Variants in TRPS1 observed in about 807,000 individuals in gnomAD.
The protein encoded by TRPS1 is zinc finger transcription factor Trps1.
A neutral mutation model predicts 101.2 loss-of-function variants in TRPS1; 6 were observed. The observed-to-expected ratio is 0.06, with a 90% CI of 0.03 to 0.12. The LOEUF (loss-of-function observed/expected upper bound fraction) is 0.12, where lower values mean the gene tolerates loss of function less well. Among genes scored for constraint, TRPS1 ranks in the 10% least tolerant of loss-of-function variants. The pLI, the probability that TRPS1 is intolerant of heterozygous loss-of-function variation, is 1.00. For missense variants in TRPS1, 1,363 were observed against 1,567.0 expected (o/e 0.87, Z 2.20); for synonymous variants, 578 against 589.8 (o/e 0.98, Z 0.29).
chr8:115,458,798 G>T (rs1180648), intron 5 of TRPS1, among the ~76,000 whole-genome samples: 48,474 of 152,014 alleles, frequency 0.32, 9,189 homozygotes, highest in Non-Finnish European at 0.44. Flanking sequence ...TCAGAATTGT[G>T]TTCTTCTGTG....
At chr8:115,531,740 A>T (rs924220557) in intron 5 of TRPS1, among the ~76,000 whole-genome samples, 2 of 152,148 alleles carry the variant, frequency 1.3e-5, no homozygotes, top group African/African-American at 4.8e-5. Context: ...GGGTTAAAAA[A>T]AACAAAGTGA....
chr8:115,647,413 T>G (rs1811437123), intron 1 of TRPS1, among the ~76,000 whole-genome samples: 1 of 152,142 alleles, frequency 6.6e-6, no homozygotes, highest in African/African-American at 2.4e-5. Context: ...TTAAAGTTCA[T>G]AATTTAAGAA....
intron 4 of TRPS1, among the ~76,000 whole-genome samples, chr8:115,590,926 T>G (rs1291169234): frequency 6.6e-6 from 1 of 152,108 alleles, no homozygotes; most frequent in Non-Finnish European, 1.5e-5. Context: ...TTTGGTATCA[T>G]TCATTGCCAT....
chr8:115,654,911 G>A (rs1339219825), intron 1 of TRPS1, among the ~76,000 whole-genome samples: 1 of 152,116 alleles, frequency 6.6e-6, no homozygotes, highest in Non-Finnish European at 1.5e-5. Context: ...CCTAATAAAT[G>A]ACATTTTAAT....
chr8:115,486,276 T>A (rs553621020), intron 5 of TRPS1, among the ~76,000 whole-genome samples: 1 of 152,336 alleles, frequency 6.6e-6, no homozygotes, highest in East Asian at 1.9e-4. Flanking sequence ...TAAGGTAGCG[T>A]ACTTAATAAG....
At chr8:115,550,789 T>A (rs556368344) in intron 5 of TRPS1, among the ~76,000 whole-genome samples, 1 of 152,328 alleles carries the variant, frequency 6.6e-6, no homozygotes, top group African/African-American at 2.4e-5. Context: ...CTATGTTAAG[T>A]TTAACCAACT....
intron 5 of TRPS1, among the ~76,000 whole-genome samples, chr8:115,491,069 T>C (rs558601401): frequency 6.6e-6 from 1 of 152,320 alleles, no homozygotes; most frequent in South Asian, 2.1e-4. Flanking sequence ...ATGGTAACAA[T>C]TCTCTACTCC....
chr8:115,433,381 A>G lies in TRPS1; in HGVS notation c.2701-14929T>C, dbSNP rs80045582. Among the ~76,000 whole-genome samples, 73 of 152,206 alleles carry G rather than the reference A, an allele frequency of 4.8e-4. 1 individual carries two copies. In the East Asian group the frequency reaches 0.014, roughly 28 times the overall value. ...AACTTGCAGGCATATTGGGAATTTT[A>G]ATATATCCTAAAAATATCTTTAGAT... On this transcript the variant is annotated intron_variant, in intron 5 of 6. Transcript: ENST00000395715.
At chr8:115,621,552 T>G (rs1818392691) in intron 2 of TRPS1, among the ~76,000 whole-genome samples, 1 of 152,134 alleles carries the variant, frequency 6.6e-6, no homozygotes, top group Admixed American at 6.5e-5. Flanking sequence ...CACTAGAGTA[T>G]AAGGAATCAT....
chr8:115,596,715 ATATG>A (rs536076520), intron 4 of TRPS1, among the ~76,000 whole-genome samples: 11 of 151,954 alleles, frequency 7.2e-5, no homozygotes, highest in South Asian at 2.1e-4. Flanking sequence ...TGCATATATC[ATATG>A]TATGTATACA....
intron 5 of TRPS1, among the ~76,000 whole-genome samples, chr8:115,551,571 C>T (rs755712516): frequency 2.0e-5 from 3 of 152,034 alleles, no homozygotes; most frequent in Admixed American, 1.3e-4. Flanking sequence ...ACATGTTTTA[C>T]GTGCAGAGTA....
intron 5 of TRPS1, among the ~76,000 whole-genome samples, chr8:115,557,270 T>C (rs976516553): frequency 6.6e-6 from 1 of 152,122 alleles, no homozygotes; most frequent in Non-Finnish European, 1.5e-5. Flanking sequence ...AGCCAAACTA[T>C]ATCACTGGTT....
At chr8:115,640,237 T>C (rs1336640328) in intron 1 of TRPS1, among the ~76,000 whole-genome samples, 2 of 152,246 alleles carry the variant, frequency 1.3e-5, no homozygotes, top group Non-Finnish European at 2.9e-5. Flanking sequence ...TACCTCTTTC[T>C]ACCTGAACCT....
intron 5 of TRPS1, among the ~76,000 whole-genome samples, chr8:115,467,296 T>C (rs7003903): frequency 1.3e-5 from 2 of 152,082 alleles, no homozygotes; most frequent in Non-Finnish European, 2.9e-5. Context: ...GGAAGGCAAG[T>C]GGCAAATGTA....
intron 5 of TRPS1, among the ~76,000 whole-genome samples, chr8:115,558,106 G>C (rs1407224687): frequency 6.6e-6 from 1 of 150,968 alleles, no homozygotes; most frequent in African/African-American, 2.4e-5. Context: ...AAAAAAAAAG[G>C]CTTTGCATTT....
intron 5 of TRPS1, among the ~76,000 whole-genome samples, chr8:115,516,825 C>T (rs1163390228): frequency 6.6e-6 from 1 of 151,476 alleles, no homozygotes; most frequent in Non-Finnish European, 1.5e-5. Context: ...TAATCCCAAA[C>T]CAGTGTTCTT....
At chr8:115,443,893 T>TATTA (rs753154492) in intron 5 of TRPS1, among the ~76,000 whole-genome samples, 26 of 152,220 alleles carry the variant, frequency 1.7e-4, no homozygotes, top group Non-Finnish European at 3.7e-4. Context: ...GTGTCTAATA[T>TATTA]ATCTATAAAC....
intron 5 of TRPS1, among the ~76,000 whole-genome samples, chr8:115,504,912 T>C (rs1815404556): frequency 6.6e-6 from 1 of 152,142 alleles, no homozygotes; most frequent in Non-Finnish European, 1.5e-5. Flanking sequence ...CAGGATAACA[T>C]TTTATTTTAA....
intron 3 of TRPS1, among the ~76,000 whole-genome samples, chr8:115,605,390 G>A (rs2130495620): frequency 6.6e-6 from 1 of 152,242 alleles, no homozygotes. Context: ...TTTTCAAAAG[G>A]TGAAGCGTTA....
Sources: allele counts gnomAD v4.1 joint callset (sites outside exome capture counted in the v4.1 genomes callset), GRCh38; gene constraint gnomAD v4.1.1; transcripts MANE v1.5; gene names NCBI Gene and HGNC (gene_info 2026-07-23, HGNC 2026-07-21).